MDGA2: variants seen among roughly 807,000 people sequenced by gnomAD.
MDGA2 encodes MAM domain containing glycosylphosphatidylinositol anchor 2, also known as MAM domain-containing glycosylphosphatidylinositol anchor protein 2.
In MDGA2, 40 loss-of-function variants were observed where a neutral mutation model predicts 117.8. The observed-to-expected ratio is 0.34, with a 90% CI of 0.26 to 0.44. The LOEUF (loss-of-function observed/expected upper bound fraction) is 0.44, where lower values mean the gene tolerates loss of function less well. Among genes scored for constraint, MDGA2 ranks in the 20% least tolerant of loss-of-function variants. The pLI, the probability that MDGA2 is intolerant of heterozygous loss-of-function variation, is 1.00. For missense variants in MDGA2, 1,123 were observed against 1,250.6 expected, an observed-to-expected ratio of 0.90 and a Z score of 1.54; for synonymous variants, 452 against 439.0, an observed-to-expected ratio of 1.03 and a Z score of -0.37.
In MDGA2 at chr14:46,845,747, C is replaced by T. The variant is rs1462690256; in HGVS notation, c.2989+19G>A. ...TACTTTAACGTTACAACAAACCAAT[C>T]TCAAGCAAAGATACTTACTCTTAGT... On this transcript the variant is annotated intron_variant, in intron 16 of 16. Coordinates refer to ENST00000399232, the MANE Select transcript of MDGA2 (RefSeq NM_001113498.3). 6.6e-7 allele frequency: 1 copy of T among 1,511,896 alleles called. No individual in the cohort carries two copies. The highest frequency in any genetic ancestry group is 9.2e-7 in the Non-Finnish European group (1 of 1,091,418). The allele number at this position is 1,511,896 out of a possible 1,614,324, so 93.7% of individuals were successfully genotyped here. A position where few individuals can be genotyped will look rare whatever the true frequency, so the allele number is the denominator to read the frequency against.
intron 7 of MDGA2, among the ~76,000 whole-genome samples, chr14:47,056,019 G>C (rs1235585446): frequency 4.6e-5 from 7 of 152,092 alleles, no homozygotes. Flanking sequence ...TTTGATTGCA[G>C]GGTAGCTTCC....
intron 6 of MDGA2, among the ~76,000 whole-genome samples, chr14:47,083,047 C>A (rs536013069): frequency 6.6e-6 from 1 of 151,376 alleles, no homozygotes; most frequent in Non-Finnish European, 1.5e-5. Flanking sequence ...TGGAGAAGAA[C>A]AAGGAGGAAA....
At position 47,551,402 on chromosome 14, in the gene MDGA2, G is replaced by A. The variant is rs573277567; in HGVS notation, c.280+123115C>T. On this transcript the variant is annotated intron_variant, in intron 1 of 16. Transcript: ENST00000399232. ...TTCTATCAAAACATATCTACTGCAT[G>A]CAGCTGCACTTCAGGCTAAATATCA... 1.7e-3 allele frequency among the ~76,000 whole-genome samples: 257 copies of A among 152,224 alleles called. 1 individual carries two copies. Among genetic ancestry groups the A allele is most frequent in the African/African-American group, 6.0e-3 (249 of 41,538 alleles).
intron 1 of MDGA2, among the ~76,000 whole-genome samples, chr14:47,315,946 A>C (rs1307549881): frequency 6.6e-6 from 1 of 151,828 alleles, no homozygotes; most frequent in Non-Finnish European, 1.5e-5. Flanking sequence ...CAAAACAAAA[A>C]ACAAACAAAA....
chr14:47,109,512 C>A (rs937428091), intron 5 of MDGA2, among the ~76,000 whole-genome samples: 3 of 152,142 alleles, frequency 2.0e-5, no homozygotes, highest in African/African-American at 7.2e-5. Context: ...TGTTTTTCAT[C>A]TTTGTACCAC....
intron 1 of MDGA2, among the ~76,000 whole-genome samples, chr14:47,507,958 A>G (rs1378143166): frequency 6.6e-6 from 1 of 152,174 alleles, no homozygotes; most frequent in African/African-American, 2.4e-5. Context: ...CATGAATCCC[A>G]CTATGCCTCT....
At chr14:47,288,902 G>T (rs891093081) in intron 2 of MDGA2, among the ~76,000 whole-genome samples, 5 of 152,024 alleles carry the variant, frequency 3.3e-5, no homozygotes, top group African/African-American at 9.7e-5. Flanking sequence ...TACTGATTTT[G>T]TTTGAAGCAT....
At chr14:46,843,257 T>C (rs1342206190) in intron 16 of MDGA2, among the ~76,000 whole-genome samples, 1 of 152,208 alleles carries the variant, frequency 6.6e-6, no homozygotes, top group Non-Finnish European at 1.5e-5. Context: ...TATGCTTTCT[T>C]TCTGCACTAG....
chr14:47,436,691 T>C (rs12887436), intron 1 of MDGA2, among the ~76,000 whole-genome samples: 4 of 152,080 alleles, frequency 2.6e-5, no homozygotes, highest in South Asian at 2.1e-4. Flanking sequence ...GCTGATGAGG[T>C]AAAAAAATCA....
At position 47,429,782 on chromosome 14, in the gene MDGA2, GTA is replaced by G. The variant is rs71112499; in HGVS notation, c.281-128234_281-128233del. Among the ~76,000 whole-genome samples the G allele has an allele frequency of 4.2e-3, 639 of 151,946 alleles. 1 individual carries two copies. The highest frequency in any genetic ancestry group is 5.5e-3 in the Non-Finnish European group (376 of 67,980). On this transcript the variant is annotated intron_variant, in intron 1 of 16. Coordinates refer to ENST00000399232, the MANE Select transcript of MDGA2 (RefSeq NM_001113498.3). ...TCGGTGAAAAAGAGAAACAAGATTTGTATTTTAGTGGGAAAGATGGAGTAATA... is the reference window on the plus strand; with the variant it reads ...TCGGTGAAAAAGAGAAACAAGATTTGTTTTAGTGGGAAAGATGGAGTAATA...
intron 13 of MDGA2, 173 bp downstream of exon 13, chr14:46,873,872 A>C: frequency 3.3e-6 from 2 of 609,720 alleles, no homozygotes; most frequent in Non-Finnish European, 5.0e-6. Context: ...GTGAAGTCTG[A>C]GAAAAAATTA....
chr14:47,587,718 G>C (rs980219665), intron 1 of MDGA2, among the ~76,000 whole-genome samples: 11 of 151,832 alleles, frequency 7.2e-5, no homozygotes, highest in Admixed American at 2.6e-4. Context: ...GCTCTACTCA[G>C]ATACAATCTG....
chr14:47,084,767 T>C (rs184022802), intron 6 of MDGA2, among the ~76,000 whole-genome samples: 2 of 152,240 alleles, frequency 1.3e-5, no homozygotes, highest in African/African-American at 4.8e-5. Flanking sequence ...CTCTATTCCA[T>C]GTGAGGATAT....
At chr14:47,020,187 A>G (rs571601889) in intron 8 of MDGA2, among the ~76,000 whole-genome samples, 131 of 152,310 alleles carry the variant, frequency 8.6e-4, no homozygotes, top group African/African-American at 3.1e-3. Context: ...TCTAACAATG[A>G]AAACGCATCA....
At position 46,967,046 on chromosome 14, in the gene MDGA2, T is replaced by G. The variant is rs187461041; in HGVS notation, c.1820-9403A>C. On this transcript the variant is annotated intron_variant, in intron 8 of 16. Coordinates refer to ENST00000399232, the MANE Select transcript of MDGA2 (RefSeq NM_001113498.3). ...ACTGTAAGCAAAGCAATTTTTTTAA[T>G]TTTAAAAACAATAAAAGATGTTTAA... Among the ~76,000 whole-genome samples the G allele has an allele frequency of 4.6e-4, 64 of 140,278 alleles. No homozygotes were observed. In the Admixed American group the frequency reaches 4.8e-3, roughly 11 times the overall value. 92.0% of individuals were successfully genotyped at this position (140,278 alleles called of 152,430 possible). A position where few individuals can be genotyped will look rare whatever the true frequency, so the allele number is the denominator to read the frequency against.
chr14:46,965,248 T>G (rs1262589468), intron 8 of MDGA2, among the ~76,000 whole-genome samples: 1 of 152,140 alleles, frequency 6.6e-6, no homozygotes, highest in African/African-American at 2.4e-5. Flanking sequence ...ATAGATGATT[T>G]TTGTGAGAAT....
intron 2 of MDGA2, among the ~76,000 whole-genome samples, chr14:47,275,174 C>T (rs8015000): frequency 0.57 from 86,088 of 152,002 alleles, 25,551 homozygotes; most frequent in East Asian, 0.89. Flanking sequence ...AGGAACAAAT[C>T]AAGAATAGTG....
chr14:47,653,337 C>T lies in MDGA2; in HGVS notation c.280+21180G>A, dbSNP rs553951452. On this transcript the variant is annotated intron_variant, in intron 1 of 16. Coordinates refer to ENST00000399232, the MANE Select transcript of MDGA2 (RefSeq NM_001113498.3). ...ATCTATGGCTGAGATTGCTCTTGAG[C>T]TTTATGTAATTCTGTCTTCTCTAGG... 9.9e-5 allele frequency among the ~76,000 whole-genome samples: 15 copies of T among 152,142 alleles called. No individual in the cohort carries two copies. In the East Asian group the frequency reaches 2.7e-3, roughly 27 times the overall value.
chr14:47,520,370 A>T (rs1448320064), intron 1 of MDGA2, among the ~76,000 whole-genome samples: 1 of 152,206 alleles, frequency 6.6e-6, no homozygotes, highest in Non-Finnish European at 1.5e-5. Flanking sequence ...GAAAATGATC[A>T]TCCAAAAGCA....
Sources: gnomAD v4.1 joint callset for allele counts (sites outside exome capture counted in the v4.1 genomes callset) on GRCh38, gnomAD v4.1.1 for gene constraint, MANE v1.5 for transcripts, NCBI Gene and HGNC (gene_info 2026-07-23, HGNC 2026-07-21) for gene names.